The following SWT1 variants were observed in gnomAD, a reference collection of about 807,000 sequenced individuals.
The protein encoded by SWT1 is transcriptional protein SWT1.
A neutral mutation model predicts 107.3 loss-of-function variants in SWT1; 33 were observed. The observed-to-expected ratio is 0.31, with a 90% confidence interval of 0.23 to 0.41. The LOEUF is 0.41. Among genes scored for constraint, SWT1 ranks in the 10% least tolerant of loss-of-function variants. The pLI, the probability that SWT1 is intolerant of heterozygous loss-of-function variation, is 1.00. For synonymous variants in SWT1, 345 were observed against 348.3 expected (o/e 0.99, Z 0.11); for missense variants, 898 against 1,028.9 (o/e 0.87, Z 1.74).
chr1:185,189,371 A>G (rs1484067437), intron 9 of SWT1, among the ~76,000 whole-genome samples: 3 of 152,228 alleles, frequency 2.0e-5, no homozygotes, highest in East Asian at 1.9e-4. Flanking sequence ...GCTGATTAAC[A>G]TTTGTTAGGA....
At chr1:185,251,896 A>C (rs1187960884) in intron 16 of SWT1, among the ~76,000 whole-genome samples, 1 of 151,822 alleles carries the variant, frequency 6.6e-6, no homozygotes, top group Non-Finnish European at 1.5e-5. Context: ...TGCACCCACT[A>C]ACTCGTCATC....
At chr1:185,207,639 T>TG (rs1658442432) in intron 13 of SWT1, among the ~76,000 whole-genome samples, 1 of 152,218 alleles carries the variant, frequency 6.6e-6, no homozygotes, top group Non-Finnish European at 1.5e-5. Context: ...TGGTGGCTCA[T>TG]GCCTGTAATC....
chr1:185,241,055 C>T (rs549389599), intron 16 of SWT1, among the ~76,000 whole-genome samples: 50 of 152,088 alleles, frequency 3.3e-4, no homozygotes, highest in African/African-American at 1.2e-3. Context: ...TGATAGTTGA[C>T]CTCTTAAGAT....
intron 4 of SWT1, among the ~76,000 whole-genome samples, chr1:185,169,041 G>A (rs1654824819): frequency 6.6e-6 from 1 of 152,048 alleles, no homozygotes; most frequent in Non-Finnish European, 1.5e-5. Flanking sequence ...CAAGTAAGAT[G>A]GCATTAAATA....
Position 185,288,450 on chromosome 1 carries a change from T to C in SWT1, c.2574-2224T>C, listed in dbSNP as rs537876121. 4.6e-5 allele frequency among the ~76,000 whole-genome samples: 7 copies of C among 152,222 alleles called. No homozygotes were observed. In the South Asian group the frequency reaches 1.5e-3, roughly 32 times the overall value. On this transcript the variant is annotated intron_variant, in intron 18 of 18. Transcript: ENST00000367500. Reference sequence around the variant, plus strand: ...TATTCCAAATATGGTACATTTACTTTATTATTATTTACTTCGGTGTTGTCA... The same window carrying C: ...TATTCCAAATATGGTACATTTACTTCATTATTATTTACTTCGGTGTTGTCA...
chr1:185,288,466 G>A (rs1334669070), intron 18 of SWT1, among the ~76,000 whole-genome samples: 1 of 151,872 alleles, frequency 6.6e-6, no homozygotes, highest in Non-Finnish European at 1.5e-5. Context: ...TATTTACTTC[G>A]GTGTTGTCAC....
chr1:185,210,364 T>G (rs1658689836), intron 13 of SWT1, among the ~76,000 whole-genome samples: 1 of 152,194 alleles, frequency 6.6e-6, no homozygotes, highest in Admixed American at 6.6e-5. Context: ...GGTGTTATGT[T>G]TACATCTTTA....
intron 9 of SWT1, among the ~76,000 whole-genome samples, chr1:185,187,269 AG>A (rs1215621985): frequency 6.6e-6 from 1 of 151,888 alleles, no homozygotes; most frequent in African/African-American, 2.4e-5. Flanking sequence ...CATGTTGGCC[AG>A]GCTGGTCTCG....
At chr1:185,173,707 C>CA (rs1226847261) in intron 4 of SWT1, among the ~76,000 whole-genome samples, 2 of 151,070 alleles carry the variant, frequency 1.3e-5, no homozygotes, top group Non-Finnish European at 2.9e-5. Context: ...GGCGCTGTCT[C>CA]AAAAAAAGAA....
intron 2 of SWT1, among the ~76,000 whole-genome samples, chr1:185,165,926 T>C (rs1654531776): frequency 6.6e-6 from 1 of 152,220 alleles, no homozygotes; most frequent in South Asian, 2.1e-4. Context: ...AGCTCGTACC[T>C]GGGGTCTGAC....
At chr1:185,157,855 C>T (rs1276628634) in intron 1 of SWT1, among the ~76,000 whole-genome samples, 1 of 152,026 alleles carries the variant, frequency 6.6e-6, no homozygotes, top group Admixed American at 6.6e-5. Flanking sequence ...GTTTCAGATC[C>T]CCAAAACATA....
intron 16 of SWT1, among the ~76,000 whole-genome samples, chr1:185,268,692 A>AT (rs1663578187): frequency 6.6e-6 from 1 of 152,164 alleles, no homozygotes; most frequent in Non-Finnish European, 1.5e-5. Flanking sequence ...CTGGAGTCTA[A>AT]TATAGTATGT....
intron 16 of SWT1, among the ~76,000 whole-genome samples, chr1:185,262,786 CT>C (rs572086827): frequency 0.011 from 1,546 of 135,404 alleles, 6 homozygotes; most frequent in Middle Eastern, 0.019. Flanking sequence ...TTTCTTCTTT[CT>C]TTTTTTTTTT....
Position 185,256,426 on chromosome 1 carries a change from C to T in SWT1, c.2442-14897C>T, listed in dbSNP as rs1369139272. ...ATCACTTTCAGGTACACCAATCAGA[C>T]GTAGATTTGGTCTTTTCACATAGTC... On this transcript the variant is annotated intron_variant, in intron 16 of 18. Transcript: ENST00000367500. Among the ~76,000 whole-genome samples the T allele has an allele frequency of 1.2e-4, 18 of 151,530 alleles. No homozygotes were observed. In the South Asian group the frequency reaches 1.7e-3, roughly 14 times the overall value.
At chr1:185,271,302 T>G in intron 16 of SWT1, 21 bp from the exon 17 acceptor site, 1 of 1,338,434 alleles carries the variant, frequency 7.5e-7, no homozygotes, top group Non-Finnish European at 1.1e-6. Context: ...TCCCCCCCTT[T>G]GTTTTTATTT....
intron 17 of SWT1, among the ~76,000 whole-genome samples, 182 bp from the exon 18 acceptor site, chr1:185,276,422 A>G (rs1402380868): frequency 1.3e-5 from 2 of 152,064 alleles, no homozygotes; most frequent in Non-Finnish European, 2.9e-5. Flanking sequence ...TGGGATTCAT[A>G]TTTTTGCATA....
intron 10 of SWT1, among the ~76,000 whole-genome samples, chr1:185,201,539 G>A (rs115232135): frequency 0.012 from 1,752 of 152,284 alleles, 26 homozygotes; most frequent in African/African-American, 0.04. Context: ...CTGGGTGGGT[G>A]GATGCCCCAC....
intron 15 of SWT1, among the ~76,000 whole-genome samples, chr1:185,228,784 T>TA (rs934277446): frequency 9.2e-5 from 14 of 152,116 alleles, no homozygotes; most frequent in African/African-American, 3.4e-4. Context: ...AACCTTCAGT[T>TA]AAAAAATGGC....
At chr1:185,178,589 G>A (rs1388689008) in intron 5 of SWT1, among the ~76,000 whole-genome samples, 2 of 152,148 alleles carry the variant, frequency 1.3e-5, no homozygotes, top group Non-Finnish European at 2.9e-5. Flanking sequence ...AACTTTTCTG[G>A]ATTGTTCGGT....
Sources: gnomAD v4.1 joint callset for allele counts (sites outside exome capture counted in the v4.1 genomes callset) on GRCh38, gnomAD v4.1.1 for gene constraint, MANE v1.5 for transcripts, NCBI Gene and HGNC (gene_info 2026-07-23, HGNC 2026-07-21) for gene names.